Variants in SLC17A9 observed in about 807,000 individuals in gnomAD.
SLC17A9 encodes the protein voltage-gated purine nucleotide uniporter SLC17A9.
A neutral mutation model predicts 55.0 loss-of-function variants in SLC17A9; 49 were observed. That is an observed-to-expected ratio of 0.89 (90% CI 0.71 to 1.13). The LOEUF (loss-of-function observed/expected upper bound fraction) is 1.13. Ranked by LOEUF, SLC17A9 falls within the 50% of genes most tolerant of loss-of-function variation. SLC17A9 has a pLI of 0.00. For missense variants in SLC17A9, 526 were observed against 569.3 expected (o/e 0.92, Z 0.77); for synonymous variants, 256 against 247.4 (o/e 1.03, Z -0.32).
intron 3 of SLC17A9, among the ~76,000 whole-genome samples, 181 bp downstream of exon 3, chr20:62,957,761 T>TATG (rs1410102994): frequency 2.8e-5 from 4 of 142,346 alleles, no homozygotes; most frequent in East Asian, 4.4e-4. Flanking sequence ...AGTGTGTGTA[T>TATG]GGCATGCCCG....
Position 62,967,322 on chromosome 20 carries a change from C to A in SLC17A9, c.1148-15C>A, listed in dbSNP as rs2065649532. The A allele has an allele frequency of 6.2e-6, 10 of 1,613,726 alleles. No homozygotes were observed. Among genetic ancestry groups the A allele is most frequent in the South Asian group, 2.2e-5 (2 of 91,036 alleles). ...GCCCGGGAGCACTCAGCCCGCCTGG[C>A]CCTCTCTTGGGCAGGTGTCGTGGGT... On this transcript the variant is annotated splice_polypyrimidine_tract_variant and intron_variant, in intron 12 of 12. Coordinates refer to ENST00000370351, the MANE Select transcript of SLC17A9 (RefSeq NM_022082.4).
rs1174771473 is a variant in SLC17A9, at chr20:62,958,946, G to T, written c.397+1366G>T. 1.3e-5 allele frequency among the ~76,000 whole-genome samples: 2 copies of T among 152,176 alleles called. No homozygotes were observed. Among genetic ancestry groups the T allele is most frequent in the Non-Finnish European group, 2.9e-5 (2 of 68,028 alleles). ...ACTTAGGATTGTGTGTTTACTGTGA[G>T]GCCCCATCCCAGAGCCAGCCCCTCC... On this transcript the variant is annotated intron_variant, in intron 3 of 12. Coordinates refer to ENST00000370351, the MANE Select transcript of SLC17A9 (RefSeq NM_022082.4). This position sits in a 1 kb window ranked among gnomAD's most constrained non-coding sequence, Gnocchi z 4.1.
intron 8 of SLC17A9, 61 bp downstream of exon 8, chr20:62,964,376 G>C: frequency 6.5e-7 from 1 of 1,541,090 alleles, no homozygotes; most frequent in South Asian, 1.1e-5. Flanking sequence ...CGCTTTCGAG[G>C]GGCAGGATGC....
Position 62,963,543 on chromosome 20 carries a change from C to T in SLC17A9, c.726-41C>T, listed in dbSNP as rs753742934. 1.5e-5 allele frequency: 23 copies of T among 1,560,946 alleles called. No individual in the cohort carries two copies. In the Admixed American group the frequency reaches 1.9e-4, roughly 13 times the overall value. ...GTGGGTCCCACAGGCCCGGCCAGCT[C>T]GTGCGGCACCAGAGTCACGGTCCAC... On this transcript the variant is annotated intron_variant, in intron 6 of 12. Transcript: ENST00000370351.
intron 3 of SLC17A9, 44 bp from the exon 4 acceptor site, chr20:62,960,460 C>T (rs995391470): frequency 1.3e-5 from 20 of 1,572,792 alleles, no homozygotes; most frequent in Non-Finnish European, 1.7e-5. Context: ...CGGGAGGAGC[C>T]TCCCTGGATG....
At position 62,952,776 on chromosome 20, in the gene SLC17A9, G is replaced by A. The variant is rs1318326134; in HGVS notation, c.-55G>A. 8 of 1,521,996 alleles carry A rather than the reference G, an allele frequency of 5.3e-6. No individual in the cohort carries two copies. The highest frequency in any genetic ancestry group is 1.4e-5 in the African/African-American group (1 of 72,632). The allele number at this position is 1,521,996 out of a possible 1,614,324, so 94.3% of individuals were successfully genotyped here. ...CTGCCCGGGTGGGTCAGCCTGGGCT[G>A]GGAGGCAGCCCCGGGACACAGCTGT... On this transcript the variant is annotated 5_prime_UTR_variant, in exon 1 of 13. Transcript: ENST00000370351.
chr20:62,963,522 G>A (rs2065607252), intron 6 of SLC17A9, 62 bp from the exon 7 acceptor site: 2 of 1,545,878 alleles, frequency 1.3e-6, no homozygotes, highest in Non-Finnish European at 1.8e-6. Context: ...CTCGGGGTGG[G>A]TCCCACAGGC....
chr20:62,965,239 G>A (rs2147660133), intron 9 of SLC17A9, 73 bp downstream of exon 9: 1 of 1,591,908 alleles, frequency 6.3e-7, no homozygotes, highest in South Asian at 1.1e-5. Context: ...ACTCAGGGTT[G>A]TGTCCCCAAG....
intron 7 of SLC17A9, chr20:62,963,982 C>A: frequency 1.7e-6 from 1 of 599,832 alleles, no homozygotes. Context: ...CCTGAGGAGG[C>A]CGGTGCAGAA....
chr20:62,964,400 C>A, intron 8 of SLC17A9, 85 bp downstream of exon 8: 2 of 1,356,190 alleles, frequency 1.5e-6, no homozygotes, highest in Non-Finnish European at 2.1e-6. Flanking sequence ...CATCCTGGGG[C>A]TGCAGCTTCA....
At chr20:62,954,268 G>A (rs1459959544) in intron 1 of SLC17A9, among the ~76,000 whole-genome samples, 3 of 152,222 alleles carry the variant, frequency 2.0e-5, no homozygotes, top group East Asian at 1.9e-4. Flanking sequence ...CCACACGCAC[G>A]CCTTTTCCTA....
intron 9 of SLC17A9, 99 bp from the exon 10 acceptor site, chr20:62,965,511 T>G: frequency 8.8e-7 from 1 of 1,130,810 alleles, no homozygotes; most frequent in Non-Finnish European, 1.3e-6. Flanking sequence ...CTGACCGTTG[T>G]GCGGTGCGCC....
chr20:62,965,158 C>G lies in SLC17A9; in HGVS notation c.937C>G (p.Leu313Val). 6.2e-7 allele frequency: 1 copy of G among 1,614,146 alleles called. No individual in the cohort carries two copies. Among genetic ancestry groups the G allele is most frequent in the Non-Finnish European group, 8.5e-7 (1 of 1,180,036 alleles). The change falls in exon 9 of 13, where the codon CTC (leucine) becomes GTC (valine). Residue 313 changes from leucine (L) to valine (V), a missense_variant. Physicochemically the swap from Leu to Val is conservative, Grantham distance 32. Transcript: ENST00000370351. ...QGYRAITVRK[L>V]MQGMGLGLSS... ...TTACAGAGCCATCACGGTGCGGAAGCTCATGCAGGTAGGAGAATCATTCCG... is the reference window on the plus strand; with the variant it reads ...TTACAGAGCCATCACGGTGCGGAAGGTCATGCAGGTAGGAGAATCATTCCG...
rs569556409 is a variant in SLC17A9 at position 62,964,369 on chromosome 20, T to C, written c.910+54T>C. 34 of 1,567,158 alleles carry C rather than the reference T, an allele frequency of 2.2e-5. No homozygotes were observed. The South Asian group carries it at 3.3e-4, about 15-fold the overall frequency. On this transcript the variant is annotated intron_variant, in intron 8 of 12. Transcript: ENST00000370351. ...GAAGCCACACCCTGGTTCACCTCGCTTTCGAGGGGCAGGATGCTCCCATCC... is the reference window on the plus strand; with the variant it reads ...GAAGCCACACCCTGGTTCACCTCGCCTTCGAGGGGCAGGATGCTCCCATCC...
chr20:62,967,560 C>G lies in SLC17A9; in HGVS notation c.*60C>G, dbSNP rs2065652162. On this transcript the variant is annotated 3_prime_UTR_variant, in exon 13 of 13. Coordinates refer to ENST00000370351, the MANE Select transcript of SLC17A9 (RefSeq NM_022082.4). ...GCCAGCAGCCCCAGGACACAGGGGA[C>G]TCAGTGTGTGGGACTTGGTCACTCC... 4 of 1,559,054 alleles carry G rather than the reference C, an allele frequency of 2.6e-6. No homozygotes were observed. The Admixed American group carries it at 7.2e-5, about 28-fold the overall frequency.
chr20:62,952,907 G>A lies in SLC17A9; in HGVS notation c.59+18G>A. ...TGGTCCAGGTGTGGCGGGGGTGAGGGGAGGGGGGGTGGGAGCGGTGGAGAT... is the reference window on the plus strand; with the variant it reads ...TGGTCCAGGTGTGGCGGGGGTGAGGAGAGGGGGGGTGGGAGCGGTGGAGAT... On this transcript the variant is annotated intron_variant, in intron 1 of 12. Coordinates refer to ENST00000370351, the MANE Select transcript of SLC17A9 (RefSeq NM_022082.4). 2.1e-6 allele frequency: 3 copies of A among 1,447,904 alleles called. No homozygotes were observed. Among genetic ancestry groups the A allele is most frequent in the Non-Finnish European group, 2.8e-6 (3 of 1,087,170 alleles). The allele number at this position is 1,447,904 out of a possible 1,614,324, so 89.7% of individuals were successfully genotyped here. A position where few individuals can be genotyped will look rare whatever the true frequency, so the allele number is the denominator to read the frequency against.
intron 1 of SLC17A9, among the ~76,000 whole-genome samples, chr20:62,955,763 CG>C: frequency 6.6e-6 from 1 of 152,316 alleles, no homozygotes. Context: ...AACAGGGCTG[CG>C]GGTATCAACC....
At chr20:62,964,377 G>A in intron 8 of SLC17A9, 62 bp downstream of exon 8, 1 of 1,528,826 alleles carries the variant, frequency 6.5e-7, no homozygotes, top group Non-Finnish European at 9.1e-7. Flanking sequence ...GCTTTCGAGG[G>A]GCAGGATGCT....
At chr20:62,966,678 C>A in intron 11 of SLC17A9, 25 bp from the exon 12 acceptor site, 1 of 1,613,906 alleles carries the variant, frequency 6.2e-7, no homozygotes, top group Non-Finnish European at 8.5e-7. Context: ...CATCCATATT[C>A]TCTCTCGCTC....
Sources: gnomAD v4.1 joint callset for allele counts (sites outside exome capture counted in the v4.1 genomes callset) on GRCh38, gnomAD v4.1.1 for gene constraint, Gnocchi (gnomAD v3.1) non-coding constraint, MANE v1.5 for transcripts, NCBI Gene and HGNC (gene_info 2026-07-23, HGNC 2026-07-21) for gene names.